Variants in TSPAN9 observed in about 807,000 individuals in gnomAD.
The protein encoded by TSPAN9 is tetraspanin 9, also known as tetraspanin-9.
In TSPAN9, 16 loss-of-function variants were observed where a neutral mutation model predicts 31.0. That is an observed-to-expected ratio of 0.52 (90% CI 0.35 to 0.78). The LOEUF is 0.78. Among genes scored for constraint, TSPAN9 ranks in the 30% least tolerant of loss-of-function variants. TSPAN9 has a pLI of 0.01. For missense variants in TSPAN9, 272 were observed against 312.5 expected, an observed-to-expected ratio of 0.87 and a Z score of 0.98; for synonymous variants, 145 against 121.6, an observed-to-expected ratio of 1.19 and a Z score of -1.27.
intron 3 of TSPAN9, among the ~76,000 whole-genome samples, chr12:3,208,549 G>A (rs1409327655): frequency 6.6e-6 from 1 of 152,216 alleles, no homozygotes; most frequent in African/African-American, 2.4e-5. Context: ...AGGCCCTTTG[G>A]TGGATGTTGG....
intron 2 of TSPAN9, among the ~76,000 whole-genome samples, chr12:3,186,761 A>G (rs1046552701): frequency 3.3e-5 from 5 of 152,156 alleles, no homozygotes; most frequent in African/African-American, 1.2e-4. Context: ...GGGCTGCCCC[A>G]TCCTTTCCCT....
At chr12:3,271,024 A>G (rs1389886716) in intron 3 of TSPAN9, among the ~76,000 whole-genome samples, 1 of 152,246 alleles carries the variant, frequency 6.6e-6, no homozygotes, top group African/African-American at 2.4e-5. Context: ...ACTGTCTCAC[A>G]TGGAGAATAA....
Position 3,107,710 on chromosome 12 carries a change from C to T in TSPAN9, c.-18+23991C>T, listed in dbSNP as rs1302186718. Among the ~76,000 whole-genome samples, 3 of 152,246 alleles carry T rather than the reference C, an allele frequency of 2.0e-5. No homozygotes were observed. Among genetic ancestry groups the T allele is most frequent in the Admixed American group, 6.5e-5 (1 of 15,282 alleles). On this transcript the variant is annotated intron_variant, in intron 2 of 8. Transcript: ENST00000011898. The surrounding 1 kb of genome is among the most constrained non-coding windows in gnomAD (Gnocchi z 4.1). ...CTTTTGCTTCAGTGTCCTCATTCTT[C>T]AGGCTCAGATGGGCTGTATTTTATT...
rs528796571 is a variant in TSPAN9 at position 3,081,052 on chromosome 12, C to T, written c.-84-2601C>T. Among the ~76,000 whole-genome samples, 395 of 152,282 alleles carry T rather than the reference C, an allele frequency of 2.6e-3. 2 individuals carry two copies. The highest frequency in any genetic ancestry group is 9.0e-3 in the African/African-American group (373 of 41,550). ...GCCTTCACCTCCTTTAGTCTCAGCT[C>T]CTTGCTTGCAAAATGAGGATAACAA... On this transcript the variant is annotated intron_variant, in intron 1 of 8. Transcript: ENST00000011898.
At chr12:3,258,861 G>C (rs1042251341) in intron 3 of TSPAN9, among the ~76,000 whole-genome samples, 1 of 152,200 alleles carries the variant, frequency 6.6e-6, no homozygotes, top group African/African-American at 2.4e-5. Context: ...AGAGTGCCCA[G>C]AGGGCAGCCA....
chr12:3,259,407 TCCTC>T (rs923743368), intron 3 of TSPAN9, among the ~76,000 whole-genome samples: 117 of 152,200 alleles, frequency 7.7e-4, no homozygotes, highest in African/African-American at 2.7e-3. Context: ...ATCCCTGGTC[TCCTC>T]CCTCCCTCCA....
At chr12:3,270,526 T>C (rs1164323576) in intron 3 of TSPAN9, among the ~76,000 whole-genome samples, 1 of 152,212 alleles carries the variant, frequency 6.6e-6, no homozygotes, top group Admixed American at 6.5e-5. Flanking sequence ...GATGCCTTGA[T>C]TGGAGCAAGC....
intron 2 of TSPAN9, among the ~76,000 whole-genome samples, chr12:3,180,593 T>G (rs2098358163): frequency 6.6e-6 from 1 of 152,208 alleles, no homozygotes; most frequent in South Asian, 2.1e-4. Flanking sequence ...TGAAAGCAAA[T>G]GGAAACAATT....
intron 2 of TSPAN9, among the ~76,000 whole-genome samples, chr12:3,116,857 C>G (rs1565581498): frequency 6.6e-6 from 1 of 152,162 alleles, no homozygotes; most frequent in Non-Finnish European, 1.5e-5. Context: ...AACTTCATTT[C>G]TAAACCCCAC....
rs532242959 is a variant in TSPAN9 at position 3,240,871 on chromosome 12, G to A, written c.64-37550G>A. Among the ~76,000 whole-genome samples, 11 of 152,266 alleles carry A rather than the reference G, an allele frequency of 7.2e-5. 1 individual carries two copies. In the East Asian group the frequency reaches 1.2e-3, roughly 16 times the overall value. On this transcript the variant is annotated intron_variant, in intron 3 of 8. Transcript: ENST00000011898. ...AGGTCTGTATAAAAAAAATAGTAGC[G>A]ATCAGTAAACATGACAGAATGGGGA...
chr12:3,274,658 C>T (rs1045112020), intron 3 of TSPAN9, among the ~76,000 whole-genome samples: 3 of 152,230 alleles, frequency 2.0e-5, no homozygotes, highest in Admixed American at 2.0e-4. Flanking sequence ...TGTCCCCCCG[C>T]TTAGCTTCCT....
chr12:3,277,748 G>T (rs1422790054), intron 3 of TSPAN9, among the ~76,000 whole-genome samples: 1 of 152,200 alleles, frequency 6.6e-6, no homozygotes, highest in Non-Finnish European at 1.5e-5. Flanking sequence ...TCGGTTTGGG[G>T]GCCGATCATG....
chr12:3,217,604 C>T (rs368586938), intron 3 of TSPAN9, among the ~76,000 whole-genome samples: 1 of 152,164 alleles, frequency 6.6e-6, no homozygotes, highest in East Asian at 1.9e-4. Context: ...TTCACTTTCC[C>T]CAGGGAATTC....
intron 3 of TSPAN9, among the ~76,000 whole-genome samples, chr12:3,226,710 G>A (rs1045153454): frequency 0.22 from 3,507 of 15,724 alleles, 228 homozygotes; most frequent in South Asian, 0.31. Flanking sequence ...GTGTGTGTAT[G>A]TGTATGTATG....
chr12:3,198,898 T>C (rs1415398321), intron 2 of TSPAN9, among the ~76,000 whole-genome samples: 1 of 151,654 alleles, frequency 6.6e-6, no homozygotes, highest in Admixed American at 6.5e-5. Context: ...TCAGCACAGG[T>C]CACTACCACA....
chr12:3,259,552 A>C (rs954667278), intron 3 of TSPAN9, among the ~76,000 whole-genome samples: 1 of 152,230 alleles, frequency 6.6e-6, no homozygotes, highest in Non-Finnish European at 1.5e-5. Context: ...AAGACAGACA[A>C]TGATAAATAA....
chr12:3,206,351 C>T (rs1220881980), intron 3 of TSPAN9: 3 of 455,932 alleles, frequency 6.6e-6, no homozygotes, highest in East Asian at 6.9e-5. Flanking sequence ...GCCAGGAAGT[C>T]GTGGAATCGG....
At chr12:3,226,193 C>T (rs2098387052) in intron 3 of TSPAN9, among the ~76,000 whole-genome samples, 2 of 151,966 alleles carry the variant, frequency 1.3e-5, no homozygotes, top group African/African-American at 2.4e-5. Context: ...TCGTGAGGGG[C>T]TGGTAGAGTT....
In TSPAN9 at chr12:3,143,271, AATT is replaced by A. The variant is rs772990042; in HGVS notation, c.-17-57904_-17-57902del. 2.0e-5 allele frequency among the ~76,000 whole-genome samples: 3 copies of A among 148,466 alleles called. No homozygotes were observed. Among genetic ancestry groups the A allele is most frequent in the Non-Finnish European group, 3.0e-5 (2 of 67,300 alleles). On this transcript the variant is annotated intron_variant, in intron 2 of 8. Coordinates refer to ENST00000011898, the MANE Select transcript of TSPAN9 (RefSeq NM_006675.5). The surrounding 1 kb of genome is among the most constrained non-coding windows in gnomAD (Gnocchi z 4.2). ...TAATATTTATAGTTATATTAATCAT[AATT>A]AATAATATTTATAATTATATTAATT...
Sources: allele counts gnomAD v4.1 joint callset (sites outside exome capture counted in the v4.1 genomes callset), GRCh38; gene constraint gnomAD v4.1.1; non-coding constraint Gnocchi (gnomAD v3.1); transcripts MANE v1.5; gene names NCBI Gene and HGNC (gene_info 2026-07-23, HGNC 2026-07-21).